The following SLC60A1 variants were observed in gnomAD, a reference collection of about 807,000 sequenced individuals.
The protein encoded by SLC60A1 is solute carrier family 60 member 1.
chr1:205,579,184 T>C, the SLC60A1 span, among the ~76,000 whole-genome samples: 1 of 152,204 alleles, frequency 6.6e-6, no homozygotes, highest in Admixed American at 6.5e-5. Flanking sequence ...GGTCATCAAA[T>C]CACCTGAATA....
chr1:205,575,204 G>C, the SLC60A1 span, among the ~76,000 whole-genome samples: 3 of 152,186 alleles, frequency 2.0e-5, no homozygotes, highest in African/African-American at 7.2e-5. Context: ...GTGGATAGGG[G>C]CTAGGGACAC....
the SLC60A1 span, among the ~76,000 whole-genome samples, chr1:205,576,099 G>A: frequency 6.6e-6 from 1 of 152,190 alleles, no homozygotes; most frequent in South Asian, 2.1e-4. Flanking sequence ...GAGTGAGTGG[G>A]GCGGGGGACA....
chr1:205,577,615 C>T, the SLC60A1 span, among the ~76,000 whole-genome samples: 12 of 152,202 alleles, frequency 7.9e-5, no homozygotes, highest in South Asian at 2.1e-4. The surrounding 1 kb of genome is among the most constrained non-coding windows in gnomAD (Gnocchi z 5.2). Context: ...CTCCTATTCT[C>T]GGCTGGCACT....
At chr1:205,580,588 G>A in the SLC60A1 span, 1 of 1,562,164 alleles carries the variant, frequency 6.4e-7, no homozygotes, top group African/African-American at 1.3e-5. This position sits in a 1 kb window ranked among gnomAD's most constrained non-coding sequence, Gnocchi z 5.0. Flanking sequence ...CTCTGGACCG[G>A]AGGCCAGGCC....
chr1:205,596,846 GTCTTA>G, the SLC60A1 span, among the ~76,000 whole-genome samples: 1 of 152,192 alleles, frequency 6.6e-6, no homozygotes, highest in Admixed American at 6.5e-5. Flanking sequence ...CTCTTGGCAT[GTCTTA>G]CATCAGAGTT....
chr1:205,579,649 G>T, the SLC60A1 span: 1 of 1,289,632 alleles, frequency 7.8e-7, no homozygotes, highest in Non-Finnish European at 1.1e-6. Context: ...TCTACCAGAG[G>T]GGGAGAAATG....
chr1:205,597,156 G>A, the SLC60A1 span, among the ~76,000 whole-genome samples: 1 of 152,224 alleles, frequency 6.6e-6, no homozygotes, highest in African/African-American at 2.4e-5. Context: ...GTAGGTAGCA[G>A]TCAGAATGGG....
chr1:205,569,027 C>G, the SLC60A1 span: 1 of 1,317,196 alleles, frequency 7.6e-7, no homozygotes, highest in African/African-American at 1.6e-5. Context: ...ACTCGGGCAC[C>G]GGGCTCGCCG....
the SLC60A1 span, chr1:205,597,582 G>A: frequency 2.0e-6 from 1 of 503,736 alleles, no homozygotes; most frequent in African/African-American, 1.9e-5. Context: ...TTTTTGTAGA[G>A]ACCAAGTCTT....
chr1:205,586,181 C>T, the SLC60A1 span: 1 of 1,613,390 alleles, frequency 6.2e-7, no homozygotes, highest in Non-Finnish European at 8.5e-7. Context: ...AAGAATGAAG[C>T]CGGCCACCAT....
chr1:205,598,779 A>G, the SLC60A1 span: 2 of 242,366 alleles, frequency 8.3e-6, no homozygotes, highest in African/African-American at 4.5e-5. Flanking sequence ...AGAGTAAAAC[A>G]ATATATCCTC....
chr1:205,591,502 AGGAAAG>A, the SLC60A1 span, among the ~76,000 whole-genome samples: 21 of 137,772 alleles, frequency 1.5e-4, no homozygotes, highest in East Asian at 4.2e-4. Context: ...AAAAAAAAAA[AGGAAAG>A]AAAAGAAAGA....
chr1:205,592,718 G>A, the SLC60A1 span, among the ~76,000 whole-genome samples: 1 of 152,192 alleles, frequency 6.6e-6, no homozygotes. Flanking sequence ...CATTCAGAAT[G>A]ATCCCCGTAA....
the SLC60A1 span, chr1:205,579,817 C>A: frequency 1.9e-6 from 3 of 1,614,192 alleles, no homozygotes; most frequent in East Asian, 4.5e-5. Flanking sequence ...TTGCCGTCAT[C>A]CCCTTCTGCC....
At chr1:205,599,364 A>C in the SLC60A1 span, 1 of 1,302,654 alleles carries the variant, frequency 7.7e-7, no homozygotes, top group South Asian at 1.5e-5. Context: ...GCTCTGTTCC[A>C]AGTAAAATGC....
the SLC60A1 span, among the ~76,000 whole-genome samples, chr1:205,572,778 T>G: frequency 1.3e-5 from 2 of 152,202 alleles, no homozygotes; most frequent in Non-Finnish European, 2.9e-5. Flanking sequence ...GACATTGTCC[T>G]TGTTTTAAAA....
chr1:205,599,495 A>T, the SLC60A1 span, among the ~76,000 whole-genome samples: 2 of 152,142 alleles, frequency 1.3e-5, no homozygotes, highest in Non-Finnish European at 2.9e-5. Flanking sequence ...TTTCTCCATT[A>T]GCAGAGGGGT....
the SLC60A1 span, among the ~76,000 whole-genome samples, chr1:205,576,930 G>T: frequency 6.6e-6 from 1 of 152,052 alleles, no homozygotes; most frequent in African/African-American, 2.4e-5. Context: ...TGCAGGGAGG[G>T]GATTTCCCAG....
chr1:205,592,037 A>G, the SLC60A1 span: 1 of 1,495,872 alleles, frequency 6.7e-7, no homozygotes, highest in Non-Finnish European at 9.1e-7. Flanking sequence ...TCCTTGGGCT[A>G]GAGAGGAAAC....
Sources: allele counts gnomAD v4.1 joint callset (sites outside exome capture counted in the v4.1 genomes callset), GRCh38; gene constraint gnomAD v4.1.1; non-coding constraint Gnocchi (gnomAD v3.1); transcripts MANE v1.5; gene names NCBI Gene and HGNC (gene_info 2026-07-23, HGNC 2026-07-21).